Variants in SOX6 observed in about 807,000 individuals in gnomAD.
The protein encoded by SOX6 is SRY-box transcription factor 6.
SOX6 carries 11 observed loss-of-function variants against 97.8 expected under a neutral mutation model. That is an observed-to-expected ratio of 0.11 (90% confidence interval 0.07 to 0.19). The LOEUF (loss-of-function observed/expected upper bound fraction) is 0.19. Ranked by LOEUF, SOX6 falls within the 10% of genes least tolerant of loss-of-function variation. SOX6 has a pLI of 1.00. For synonymous variants in SOX6, 360 were observed against 371.4 expected (o/e 0.97, Z 0.35); for missense variants, 810 against 1,039.5 (o/e 0.78, Z 3.04).
intron 3 of SOX6, among the ~76,000 whole-genome samples, chr11:16,656,206 T>TAG (rs1363716202): frequency 6.6e-6 from 1 of 152,126 alleles, no homozygotes; most frequent in East Asian, 1.9e-4. Flanking sequence ...GCCTTCAGAG[T>TAG]AGCTGGGATT....
At chr11:16,189,378 A>G (rs1851569638) in intron 4 of SOX6, among the ~76,000 whole-genome samples, 1 of 151,994 alleles carries the variant, frequency 6.6e-6, no homozygotes, top group African/African-American at 2.4e-5. Flanking sequence ...AGCTTTTCCA[A>G]AAAAGAAAAC....
At chr11:16,615,013 G>T (rs1038175784) in intron 3 of SOX6, among the ~76,000 whole-genome samples, 1 of 152,062 alleles carries the variant, frequency 6.6e-6, no homozygotes, top group Non-Finnish European at 1.5e-5. Flanking sequence ...AACAAGAAAT[G>T]TCTTCTCCAA....
intron 4 of SOX6, among the ~76,000 whole-genome samples, chr11:16,563,140 T>TA (rs1314721603): frequency 1.3e-5 from 2 of 151,624 alleles, no homozygotes; most frequent in Non-Finnish European, 2.9e-5. Context: ...GCAGCCATGA[T>TA]AAAAAATATA....
At chr11:16,044,753 A>G (rs1855775090) in intron 12 of SOX6, among the ~76,000 whole-genome samples, 1 of 152,154 alleles carries the variant, frequency 6.6e-6, no homozygotes, top group South Asian at 2.1e-4. Context: ...AGAGCTCATG[A>G]ACACAACATC....
intron 2 of SOX6, among the ~76,000 whole-genome samples, chr11:16,323,874 T>C (rs1275528987): frequency 6.6e-6 from 1 of 151,936 alleles, no homozygotes; most frequent in African/African-American, 2.4e-5. Context: ...AAACAACTAA[T>C]TATCAAATAT....
chr11:16,427,827 TC>T (rs1211717466), intron 1 of SOX6, among the ~76,000 whole-genome samples: 2 of 152,234 alleles, frequency 1.3e-5, no homozygotes, highest in Non-Finnish European at 2.9e-5. Context: ...TGATTTATAA[TC>T]CTTTGGGTAT....
intron 3 of SOX6, among the ~76,000 whole-genome samples, chr11:16,665,726 C>A (rs148845900): frequency 2.6e-5 from 4 of 152,180 alleles, no homozygotes; most frequent in Non-Finnish European, 5.9e-5. Flanking sequence ...TTGCTGCAGG[C>A]CTTGGACAAG....
chr11:16,389,313 C>A (rs1590179024), intron 1 of SOX6, among the ~76,000 whole-genome samples: 2 of 152,146 alleles, frequency 1.3e-5, no homozygotes, highest in East Asian at 3.9e-4. Flanking sequence ...ACTTACTAGT[C>A]TCAAGCAGTC....
chr11:16,697,969 G>C (rs1848066367), intron 3 of SOX6, among the ~76,000 whole-genome samples: 1 of 152,222 alleles, frequency 6.6e-6, no homozygotes, highest in South Asian at 2.1e-4. Flanking sequence ...AGCAAAGGCA[G>C]AGTAGATTTA....
At chr11:16,175,699 G>A (rs1260785914) in intron 6 of SOX6, among the ~76,000 whole-genome samples, 1 of 151,730 alleles carries the variant, frequency 6.6e-6, no homozygotes, top group African/African-American at 2.4e-5. Context: ...GTTGATGTTT[G>A]TGTTAAAATT....
intron 1 of SOX6, among the ~76,000 whole-genome samples, chr11:16,365,056 ATAACT>A (rs1227865995): frequency 3.3e-5 from 5 of 152,168 alleles, no homozygotes; most frequent in Non-Finnish European, 7.4e-5. Context: ...GCACAATAAG[ATAACT>A]TAAGAGACAC....
chr11:16,067,716 C>T (rs1848126356), intron 9 of SOX6, among the ~76,000 whole-genome samples: 1 of 151,998 alleles, frequency 6.6e-6, no homozygotes, highest in South Asian at 2.1e-4. Flanking sequence ...AGGATGGATA[C>T]CCCACATTAT....
At chr11:16,407,525 A>T (rs535210253) in intron 1 of SOX6, among the ~76,000 whole-genome samples, 3 of 152,264 alleles carry the variant, frequency 2.0e-5, no homozygotes, top group African/African-American at 7.2e-5. Flanking sequence ...AGCTTTAGGG[A>T]TATATCTCAA....
intron 4 of SOX6, among the ~76,000 whole-genome samples, chr11:16,526,036 G>A (rs1477001112): frequency 1.3e-5 from 2 of 152,044 alleles, no homozygotes; most frequent in Non-Finnish European, 2.9e-5. Flanking sequence ...ACTGTTGGTG[G>A]GACTGTAAAC....
chr11:16,126,179 A>C (rs911361533), intron 6 of SOX6, among the ~76,000 whole-genome samples: 16 of 152,096 alleles, frequency 1.1e-4, no homozygotes, highest in African/African-American at 3.6e-4. Context: ...ACTCCCAAGA[A>C]TGTAGTTACA....
rs1241117471 is a variant in SOX6, at chr11:15,979,324, C to CCT, written c.2184-6213_2184-6212insAG. 4.9e-3 allele frequency among the ~76,000 whole-genome samples: 747 copies of CCT among 152,022 alleles called. 8 individuals are homozygous for CCT. In the South Asian group the frequency reaches 0.051, roughly 10 times the overall value. Reference sequence around the variant, plus strand: ...GAACCCATCTACTTCTTACCACCTCCACCCCTACAAACCTGGAACAAACCA... The same window carrying CCT: ...GAACCCATCTACTTCTTACCACCTCCCTACCCCTACAAACCTGGAACAAACCA... On this transcript the variant is annotated intron_variant, in intron 15 of 15. Transcript: ENST00000683767.
At chr11:16,121,491 T>A (rs981917989) in intron 6 of SOX6, among the ~76,000 whole-genome samples, 1 of 151,996 alleles carries the variant, frequency 6.6e-6, no homozygotes, top group African/African-American at 2.4e-5. Context: ...CTTAAAGACA[T>A]CTATAGCCTT....
At chr11:16,734,325 T>C (rs1681150623) in intron 2 of SOX6, among the ~76,000 whole-genome samples, 1 of 152,236 alleles carries the variant, frequency 6.6e-6, no homozygotes, top group African/African-American at 2.4e-5. Flanking sequence ...GTTGCATTTA[T>C]ATTATGCCTT....
chr11:15,999,840 T>C lies in SOX6; in HGVS notation c.1733-10610A>G, dbSNP rs182370236. Among the ~76,000 whole-genome samples, 3 of 152,332 alleles carry C rather than the reference T, an allele frequency of 2.0e-5. No individual in the cohort carries two copies. In the East Asian group the frequency reaches 5.8e-4, roughly 29 times the overall value. ...ATTAATAGAATAGTTGATTTTCTCC[T>C]GTGAGATTCTGAAGAGTCACACAAT... On this transcript the variant is annotated intron_variant, in intron 13 of 15. Transcript: ENST00000683767.
Sources: gnomAD v4.1 joint callset for allele counts (sites outside exome capture counted in the v4.1 genomes callset) on GRCh38, gnomAD v4.1.1 for gene constraint, MANE v1.5 for transcripts, NCBI Gene and HGNC (gene_info 2026-07-23, HGNC 2026-07-21) for gene names.